PPARGC1A: variants seen among roughly 807,000 people sequenced by gnomAD.
The protein encoded by PPARGC1A is peroxisome proliferator-activated receptor gamma coactivator 1-alpha.
PPARGC1A carries 25 observed loss-of-function variants against 88.7 expected under a neutral mutation model. The ratio of observed to expected loss-of-function variants is 0.28; its 90% confidence interval spans 0.21 to 0.39. PPARGC1A has a LOEUF of 0.39. Among genes scored for constraint, PPARGC1A ranks in the 10% least tolerant of loss-of-function variants. The pLI, the probability that PPARGC1A is intolerant of heterozygous loss-of-function variation, is 1.00. For synonymous variants in PPARGC1A, 363 were observed against 355.6 expected (o/e 1.02, Z -0.24); for missense variants, 880 against 968.7 (o/e 0.91, Z 1.22).
the PPARGC1A span, among the ~76,000 whole-genome samples, chr4:24,035,768 T>C: frequency 6.6e-6 from 1 of 152,092 alleles, no homozygotes; most frequent in African/African-American, 2.4e-5. Flanking sequence ...GTAACTGGCG[T>C]TTATATAGAT....
At position 23,814,285 on chromosome 4, in the gene PPARGC1A, T is replaced by C. The variant is rs199777273; in HGVS notation, c.1198A>G (p.Ile400Val). 7 of 1,614,100 alleles carry C rather than the reference T, an allele frequency of 4.3e-6. No individual in the cohort carries two copies. The highest frequency in any genetic ancestry group is 2.2e-5 in the East Asian group (1 of 44,854). ...INSKTEILIN[I>V]SQELQDSRQL... is the part of the protein sequence containing the mutation. Reference sequence around the variant, plus strand: ...CTAGAGTCTTGGAGCTCCTGTGATATATTAATGAGTATTTCTGTTTTGGAA... The same window carrying C: ...CTAGAGTCTTGGAGCTCCTGTGATACATTAATGAGTATTTCTGTTTTGGAA... The change falls in exon 8 of 13, where the codon ATA becomes GTA. Residue 400 changes from isoleucine (I) to valine (V), a missense_variant. Physicochemically the swap from Ile to Val is conservative, Grantham distance 29. Transcript: ENST00000264867.
the PPARGC1A span, among the ~76,000 whole-genome samples, chr4:24,048,178 A>G: frequency 6.6e-6 from 1 of 152,242 alleles, no homozygotes; most frequent in Middle Eastern, 3.4e-3. Context: ...CATGCCCTCT[A>G]ATCCATTTAT....
the PPARGC1A span, among the ~76,000 whole-genome samples, chr4:24,159,109 A>C: frequency 6.6e-6 from 1 of 152,058 alleles, no homozygotes; most frequent in African/African-American, 2.4e-5. Context: ...AGCATTTATA[A>C]ATGTTGTCTT....
chr4:24,318,990 GAAAC>G, the PPARGC1A span, among the ~76,000 whole-genome samples: 482 of 152,134 alleles, frequency 3.2e-3, 17 homozygotes, highest in East Asian at 0.066. Context: ...ACCAAAAAGA[GAAAC>G]AAACAAACAA....
chr4:24,157,326 C>G, the PPARGC1A span, among the ~76,000 whole-genome samples: 1 of 152,180 alleles, frequency 6.6e-6, no homozygotes, highest in Non-Finnish European at 1.5e-5. Context: ...CTGAATCGAT[C>G]TGCAAAGCTC....
the PPARGC1A span, among the ~76,000 whole-genome samples, chr4:24,411,128 G>A: frequency 6.6e-6 from 1 of 152,164 alleles, no homozygotes; most frequent in Non-Finnish European, 1.5e-5. Context: ...AAATGTTAAT[G>A]TGCACATTGT....
At chr4:23,831,845 C>G (rs958778262) in intron 2 of PPARGC1A, 94 bp from the exon 3 acceptor site, 1 of 989,712 alleles carries the variant, frequency 1.0e-6, no homozygotes, top group Non-Finnish European at 1.5e-6. Flanking sequence ...GTGAACCATA[C>G]GTGAAATCTA....
At chr4:24,214,094 T>G in the PPARGC1A span, among the ~76,000 whole-genome samples, 731 of 152,330 alleles carry the variant, frequency 4.8e-3, 7 homozygotes, top group African/African-American at 0.017. Context: ...CCTCCCAATC[T>G]GGAATATCAG....
chr4:24,324,066 C>T, the PPARGC1A span, among the ~76,000 whole-genome samples: 1 of 152,296 alleles, frequency 6.6e-6, no homozygotes, highest in Non-Finnish European at 1.5e-5. Context: ...GGCAGCTTTC[C>T]CTTGGTGTTT....
At chr4:23,932,606 T>A in the PPARGC1A span, among the ~76,000 whole-genome samples, 4 of 151,624 alleles carry the variant, frequency 2.6e-5, no homozygotes, top group Non-Finnish European at 5.9e-5. Flanking sequence ...AGTGTTTTTT[T>A]AAAAAAATAA....
the PPARGC1A span, among the ~76,000 whole-genome samples, chr4:23,983,886 C>T: frequency 1.1e-4 from 16 of 151,990 alleles, no homozygotes; most frequent in South Asian, 3.3e-3. Context: ...TTAAAATTGC[C>T]CCATCTCTCT....
chr4:24,127,511 T>C, the PPARGC1A span, among the ~76,000 whole-genome samples: 3 of 151,986 alleles, frequency 2.0e-5, no homozygotes, highest in Admixed American at 6.6e-5. Context: ...TTACCAAGAA[T>C]CATATGATTA....
the PPARGC1A span, among the ~76,000 whole-genome samples, chr4:24,229,644 C>T: frequency 6.6e-6 from 1 of 151,094 alleles, no homozygotes; most frequent in Non-Finnish European, 1.5e-5. Flanking sequence ...ACCAGCCTGA[C>T]CAATATGGTG....
the PPARGC1A span, among the ~76,000 whole-genome samples, chr4:24,257,245 G>A: frequency 8.5e-4 from 129 of 152,144 alleles, 2 homozygotes; most frequent in African/African-American, 2.5e-3. Context: ...CAACAAATAG[G>A]GCTAGATGAG....
rs752942615 is a variant in PPARGC1A, at chr4:23,813,052, G to A, written c.1867C>T (p.Arg623Cys). ...CGACGGCTGTAGGGCGATCTTGAAC[G>A]TGATCTCACATACAAGGGAGAATTT... ...HRNSPLYVRS[R>C]SRSPYSRRPR... Residue 623 changes from arginine (R) to cysteine (C), a missense_variant, in exon 9 of 13, where the codon CGT (arginine) becomes TGT (cysteine). Physicochemically the swap from Arg to Cys is radical, Grantham distance 180. Coordinates refer to ENST00000264867, the MANE Select transcript of PPARGC1A (RefSeq NM_013261.5). 14 of 1,613,956 alleles carry A rather than the reference G, an allele frequency of 8.7e-6. No individual in the cohort carries two copies. The East Asian group carries it at 1.1e-4, about 13-fold the overall frequency.
the PPARGC1A span, among the ~76,000 whole-genome samples, chr4:24,172,499 T>G: frequency 6.6e-6 from 1 of 152,178 alleles, no homozygotes; most frequent in Non-Finnish European, 1.5e-5. Flanking sequence ...AAATGAGAGC[T>G]GCCACTCCTC....
the PPARGC1A span, among the ~76,000 whole-genome samples, chr4:23,979,861 A>G: frequency 2.0e-5 from 3 of 152,002 alleles, no homozygotes; most frequent in Non-Finnish European, 4.4e-5. Context: ...GGTGTAGTGG[A>G]TATCTCCTCT....
chr4:24,206,840 TAAAAAAAA>T, the PPARGC1A span, among the ~76,000 whole-genome samples: 439 of 43,632 alleles, frequency 0.01, 1 homozygote, highest in African/African-American at 0.014. Flanking sequence ...GACTTCACCT[TAAAAAAAA>T]AAAAAAAAAA....
chr4:24,135,050 G>C, the PPARGC1A span, among the ~76,000 whole-genome samples: 2 of 152,156 alleles, frequency 1.3e-5, no homozygotes, highest in African/African-American at 4.8e-5. Flanking sequence ...TCGCTACCAT[G>C]TGTCACTCCA....
Sources: allele counts gnomAD v4.1 joint callset (sites outside exome capture counted in the v4.1 genomes callset), GRCh38; gene constraint gnomAD v4.1.1; transcripts MANE v1.5; gene names NCBI Gene and HGNC (gene_info 2026-07-23, HGNC 2026-07-21).